The following PSD3 variants were observed in gnomAD, a reference collection of about 807,000 sequenced individuals.
PSD3 encodes pleckstrin and Sec7 domain containing 3, also known as PH and SEC7 domain-containing protein 3.
A neutral mutation model predicts 105.5 loss-of-function variants in PSD3; 49 were observed. The ratio of observed to expected loss-of-function variants is 0.46; its 90% CI spans 0.37 to 0.59. The LOEUF is 0.59. PSD3 is among the 20% of genes least tolerant of loss of function. PSD3 has a pLI of 0.00. For synonymous variants in PSD3, 557 were observed against 457.8 expected (o/e 1.22, Z -2.77); for missense variants, 1,561 against 1,263.8 (o/e 1.24, Z -3.57).
At chr8:18,555,995 G>C (rs1422627552) in intron 15 of PSD3, among the ~76,000 whole-genome samples, 3 of 152,164 alleles carry the variant, frequency 2.0e-5, no homozygotes, top group African/African-American at 7.2e-5. Flanking sequence ...ACTTTTAAGT[G>C]TATAAACTGG....
At chr8:18,799,036 T>G in intron 8 of PSD3, 1 of 384,684 alleles carries the variant, frequency 2.6e-6, no homozygotes, top group South Asian at 3.2e-5. Flanking sequence ...TGCCATCTAC[T>G]GGACAAAGAA....
At chr8:18,671,734 C>T (rs1256678108) in intron 9 of PSD3, among the ~76,000 whole-genome samples, 1 of 152,114 alleles carries the variant, frequency 6.6e-6, no homozygotes, top group East Asian at 1.9e-4. Flanking sequence ...TGGGTTCACG[C>T]CATTCTCCTG....
chr8:18,623,470 A>AAAG (rs71217393), intron 11 of PSD3, among the ~76,000 whole-genome samples: 1 of 146,304 alleles, frequency 6.8e-6, no homozygotes, highest in Non-Finnish European at 1.5e-5. Context: ...AAAAAAAAAA[A>AAAG]GAAAAAGGAA....
At chr8:18,722,460 G>A (rs1430290047) in intron 9 of PSD3, among the ~76,000 whole-genome samples, 2 of 152,082 alleles carry the variant, frequency 1.3e-5, no homozygotes, top group Non-Finnish European at 2.9e-5. Flanking sequence ...TTATCTAGAT[G>A]GCCTTGTAAA....
intron 1 of PSD3, among the ~76,000 whole-genome samples, chr8:19,070,057 G>A (rs952517162): frequency 1.3e-5 from 2 of 151,338 alleles, no homozygotes; most frequent in African/African-American, 4.9e-5. Flanking sequence ...CGATTCTCCT[G>A]CCTCAGCCTC....
At chr8:18,792,515 G>C (rs1483091285) in intron 8 of PSD3, among the ~76,000 whole-genome samples, 3 of 152,186 alleles carry the variant, frequency 2.0e-5, no homozygotes, top group East Asian at 1.9e-4. Flanking sequence ...TGAATGATGA[G>C]AACACATGGA....
intron 8 of PSD3, among the ~76,000 whole-genome samples, chr8:18,792,703 T>C (rs111852071): frequency 0.014 from 2,151 of 152,040 alleles, 59 homozygotes; most frequent in African/African-American, 0.049. Flanking sequence ...TGTGGAGAAA[T>C]AGGACCACTT....
At chr8:18,655,785 C>T (rs770782475) in intron 9 of PSD3, 100 bp from the exon 10 acceptor site, 439 of 1,120,224 alleles carry the variant, frequency 3.9e-4, no homozygotes, top group Admixed American at 4.6e-4. Flanking sequence ...AGGATAGGCA[C>T]GAAGCCCCCC....
In PSD3 at chr8:18,716,274, T is replaced by A. The variant is rs114257388; in HGVS notation, c.2172+49175A>T. On this transcript the variant is annotated intron_variant, in intron 9 of 15. Coordinates refer to ENST00000327040, the MANE Select transcript of PSD3 (RefSeq NM_015310.4). ...GTCCACACTCACCTTACACACCTCA[T>A]ATGGTGTGTCTGACGGTGGCATCAA... 5.4e-3 allele frequency among the ~76,000 whole-genome samples: 829 copies of A among 152,300 alleles called. 11 individuals are homozygous for A. The highest frequency in any genetic ancestry group is 0.019 in the African/African-American group (804 of 41,566).
At chr8:18,729,998 A>G (rs1803617843) in intron 9 of PSD3, 1 of 152,228 alleles carries the variant, frequency 6.6e-6, no homozygotes, top group Non-Finnish European at 1.5e-5. Context: ...AAAGGAAGAA[A>G]GCATCATAAA....
rs1799660200 is a variant in PSD3, at chr8:18,532,168, C to T, written c.*3575G>A. On this transcript the variant is annotated 3_prime_UTR_variant, in exon 16 of 16. Transcript: ENST00000327040. The stretch of plus-strand genomic sequence containing the variant: ...AAGCAGGCCCTGCCTCTCATCCTTC[C>T]CAGATCTTTACATGATAGAGGGAGC... 1 of 152,162 alleles carries T rather than the reference C, an allele frequency of 6.6e-6. No individual in the cohort carries two copies. The highest frequency in any genetic ancestry group is 1.5e-5 in the Non-Finnish European group (1 of 68,030). 9.4% of individuals were successfully genotyped at this position (152,162 alleles called of 1,614,324 possible).
At chr8:18,860,784 A>C (rs949315546) in intron 4 of PSD3, among the ~76,000 whole-genome samples, 1 of 152,206 alleles carries the variant, frequency 6.6e-6, no homozygotes, top group Admixed American at 6.5e-5. Flanking sequence ...TATTGTACTG[A>C]TATATGAATA....
intron 9 of PSD3, among the ~76,000 whole-genome samples, chr8:18,676,802 T>C (rs777122939): frequency 6.6e-6 from 1 of 152,248 alleles, no homozygotes; most frequent in African/African-American, 2.4e-5. Context: ...TGCTGCTTCC[T>C]GCAGAGCCAG....
chr8:18,535,872 C>T lies in PSD3; in HGVS notation c.3015G>A (p.Leu1005=). The T allele has an allele frequency of 6.2e-7, 1 of 1,614,190 alleles. No homozygotes were observed. The highest frequency in any genetic ancestry group is 8.5e-7 in the Non-Finnish European group (1 of 1,180,026). The change falls in exon 16 of 16, where the codon CTG becomes CTA. Residue 1005 remains leucine (L), a synonymous_variant. Transcript: ENST00000327040. ...GCGAAGGACTCGAGTGCGACTTCTT[C>T]AGTCCTGCAGCCTCGCTTTCATCGT... ...LSNDESEAAG[L]KKSHSSPSLN... is the part of the protein sequence containing the mutation.
intron 2 of PSD3, among the ~76,000 whole-genome samples, chr8:18,904,648 A>G (rs1014122006): frequency 2.6e-5 from 4 of 152,254 alleles, no homozygotes; most frequent in African/African-American, 9.6e-5. Context: ...AAAAATTTTA[A>G]GTACATCTTC....
intron 4 of PSD3, chr8:18,865,255 TATATATATATATATATATATA>T (rs1563360139): frequency 1.0e-3 from 4 of 3,834 alleles, no homozygotes; most frequent in African/African-American, 3.9e-3. Flanking sequence ...TATATATATA[TATATATATATATATATATATA>T]TATATATATA....
At position 18,527,697 on chromosome 8, in the gene PSD3, C is replaced by A. The variant is rs1021199515; in HGVS notation, c.*8046G>T. ...TTTAAACACTTTAACAATATCCACA[C>A]AAATTACTGTTCCTTTCAAAAGAAG... On this transcript the variant is annotated 3_prime_UTR_variant, in exon 16 of 16. Transcript: ENST00000327040. The A allele has an allele frequency of 1.3e-5, 2 of 152,582 alleles. No individual in the cohort carries two copies. The highest frequency in any genetic ancestry group is 2.9e-5 in the Non-Finnish European group (2 of 68,028). 9.5% of individuals were successfully genotyped at this position (152,582 alleles called of 1,614,324 possible).
chr8:18,664,085 A>G (rs1273152964), intron 9 of PSD3, among the ~76,000 whole-genome samples: 1 of 152,224 alleles, frequency 6.6e-6, no homozygotes, highest in East Asian at 1.9e-4. Context: ...GTTCCCTAAG[A>G]TACAACAATA....
chr8:18,601,223 A>G (rs1804417214), intron 11 of PSD3, among the ~76,000 whole-genome samples: 1 of 152,244 alleles, frequency 6.6e-6, no homozygotes, highest in Non-Finnish European at 1.5e-5. Context: ...ATAAACTCTT[A>G]CAAATTGTTC....
Sources: allele counts gnomAD v4.1 joint callset (sites outside exome capture counted in the v4.1 genomes callset), GRCh38; gene constraint gnomAD v4.1.1; transcripts MANE v1.5; gene names NCBI Gene and HGNC (gene_info 2026-07-23, HGNC 2026-07-21).